The following MEI4 variants were observed in gnomAD, a reference collection of about 807,000 sequenced individuals.
MEI4 encodes meiotic double-stranded break formation protein 4, also known as meiosis-specific protein MEI4.
MEI4 carries 27 observed loss-of-function variants against 31.4 expected under a neutral mutation model. The ratio of observed to expected loss-of-function variants is 0.86; its 90% confidence interval spans 0.63 to 1.19. The LOEUF (loss-of-function observed/expected upper bound fraction) is 1.19, where lower values mean the gene tolerates loss of function less well. MEI4 is among the 50% of genes most tolerant of loss of function. The pLI is 0.00. For missense variants in MEI4, 329 were observed against 398.9 expected (o/e 0.82, Z 1.49); for synonymous variants, 122 against 145.4 (o/e 0.84, Z 1.16).
At chr6:77,905,076 T>C (rs1248912055) in intron 4 of MEI4, among the ~76,000 whole-genome samples, 1 of 152,142 alleles carries the variant, frequency 6.6e-6, no homozygotes, top group South Asian at 2.1e-4. Context: ...TTAAGACAGT[T>C]CTGGGGGTTG....
chr6:77,735,993 T>C (rs1767195286), intron 2 of MEI4, among the ~76,000 whole-genome samples: 1 of 152,048 alleles, frequency 6.6e-6, no homozygotes, highest in South Asian at 2.1e-4. Flanking sequence ...CTGCCCGTTC[T>C]CAGATCTCCA....
chr6:77,870,768 A>G (rs1771171373), intron 4 of MEI4, among the ~76,000 whole-genome samples: 1 of 152,188 alleles, frequency 6.6e-6, no homozygotes. Flanking sequence ...TTTTACAGCG[A>G]AGAAATGAAG....
chr6:77,877,494 A>AGAG (rs1771369724), intron 4 of MEI4, among the ~76,000 whole-genome samples: 4 of 44,310 alleles, frequency 9.0e-5, no homozygotes, highest in African/African-American at 2.1e-4. Flanking sequence ...GTTGCTGACA[A>AGAG]CAGATTTTCT....
At chr6:77,799,095 T>A (rs1353491391) in intron 3 of MEI4, among the ~76,000 whole-genome samples, 5 of 152,186 alleles carry the variant, frequency 3.3e-5, no homozygotes, top group Non-Finnish European at 2.9e-5. Context: ...TTGAACTAGT[T>A]TACAGTCCCA....
At chr6:77,854,856 G>A (rs979036834) in intron 4 of MEI4, among the ~76,000 whole-genome samples, 5 of 151,886 alleles carry the variant, frequency 3.3e-5, no homozygotes, top group African/African-American at 1.2e-4. Context: ...TTATAGATGA[G>A]GTGATAACTT....
intron 3 of MEI4, among the ~76,000 whole-genome samples, chr6:77,811,993 A>C (rs1287632084): frequency 6.6e-6 from 1 of 152,144 alleles, no homozygotes; most frequent in Non-Finnish European, 1.5e-5. Context: ...TAGTACATAA[A>C]GTGATGTATT....
At chr6:77,922,008 TAGACTAGTTTGATGC>T (rs1766714982) in intron 4 of MEI4, among the ~76,000 whole-genome samples, 1 of 151,756 alleles carries the variant, frequency 6.6e-6, no homozygotes, top group Non-Finnish European at 1.5e-5. Flanking sequence ...ATGACTCTGA[TAGACTAGTTTGATGC>T]AGGGTTGCCA....
intron 3 of MEI4, among the ~76,000 whole-genome samples, chr6:77,802,242 T>G (rs1292621310): frequency 6.6e-6 from 1 of 152,222 alleles, no homozygotes; most frequent in Non-Finnish European, 1.5e-5. Context: ...ATTTGTCTCT[T>G]TTGATCTTTG....
intron 2 of MEI4, among the ~76,000 whole-genome samples, chr6:77,758,009 A>G (rs1437709034): frequency 6.6e-6 from 1 of 152,080 alleles, no homozygotes; most frequent in Non-Finnish European, 1.5e-5. Flanking sequence ...TACAAAAATT[A>G]GCTGGGTGTG....
intron 4 of MEI4, among the ~76,000 whole-genome samples, chr6:77,915,203 T>C (rs1190631738): frequency 6.6e-6 from 1 of 152,098 alleles, no homozygotes; most frequent in Non-Finnish European, 1.5e-5. Flanking sequence ...AAGTCCTTTG[T>C]CTTCCTTATT....
chr6:77,788,348 A>C lies in MEI4; in HGVS notation c.768+26683A>C, dbSNP rs996990981. Among the ~76,000 whole-genome samples the C allele has an allele frequency of 3.3e-5, 5 of 152,216 alleles. 1 individual carries two copies. The highest frequency in any genetic ancestry group is 1.2e-4 in the African/African-American group (5 of 41,460). ...TTCCCTTTGAAAACTGGCACAAGAC[A>C]GGGATGCCCTCTCTCACCACTCCTA... is the stretch of plus-strand genomic sequence containing the variant. On this transcript the variant is annotated intron_variant, in intron 3 of 4. Transcript: ENST00000684080.
At chr6:77,732,049 A>G (rs1285955858) in intron 2 of MEI4, among the ~76,000 whole-genome samples, 1 of 148,796 alleles carries the variant, frequency 6.7e-6, no homozygotes, top group African/African-American at 2.5e-5. Context: ...TATAGTTTGA[A>G]GTCAGGTAGT....
At chr6:77,776,161 TTTTTTG>T (rs151011698) in intron 3 of MEI4, among the ~76,000 whole-genome samples, 3 of 119,958 alleles carry the variant, frequency 2.5e-5, no homozygotes, top group Non-Finnish European at 5.9e-5. Flanking sequence ...TAATTGTTTT[TTTTTTG>T]TTTTTGTTTT....
intron 4 of MEI4, among the ~76,000 whole-genome samples, chr6:77,841,333 A>ATATATATTT: frequency 1.8e-4 from 5 of 27,736 alleles, no homozygotes; most frequent in African/African-American, 1.3e-3. Context: ...ATATATATAT[A>ATATATATTT]TTTTTTTTTT....
At chr6:77,870,256 A>G (rs1444173038) in intron 4 of MEI4, among the ~76,000 whole-genome samples, 1 of 152,210 alleles carries the variant, frequency 6.6e-6, no homozygotes, top group East Asian at 1.9e-4. Context: ...AGTGAACCAC[A>G]GCTCCCAATC....
chr6:77,728,416 C>T (rs1766884051), intron 2 of MEI4, among the ~76,000 whole-genome samples: 2 of 152,146 alleles, frequency 1.3e-5, no homozygotes, highest in Non-Finnish European at 2.9e-5. Context: ...TATGCATGTT[C>T]ATTTGTTCAT....
At position 77,908,763 on chromosome 6, in the gene MEI4, A is replaced by G. The variant is rs555811228; in HGVS notation, c.901-14326A>G. Among the ~76,000 whole-genome samples the G allele has an allele frequency of 1.5e-4, 23 of 152,298 alleles. No individual in the cohort carries two copies. The East Asian group carries it at 3.3e-3, about 22-fold the overall frequency. On this transcript the variant is annotated intron_variant, in intron 4 of 4. Coordinates refer to ENST00000684080, the MANE Select transcript of MEI4 (RefSeq NM_001322247.2). The stretch of plus-strand genomic sequence containing the variant: ...CAAAAGAGACAAAGAAGGCCATTAC[A>G]TAATGGTAAAGGGATCAATTCAACA...
chr6:77,654,061 G>C (rs989876039), intron 1 of MEI4, among the ~76,000 whole-genome samples: 2 of 152,192 alleles, frequency 1.3e-5, no homozygotes, highest in Non-Finnish European at 2.9e-5. Context: ...AAACTGCAAA[G>C]CTGTAGTGCA....
intron 4 of MEI4, among the ~76,000 whole-genome samples, chr6:77,865,214 C>T (rs1419642318): frequency 1.3e-5 from 2 of 152,158 alleles, no homozygotes; most frequent in East Asian, 3.9e-4. Context: ...TAGCAGAAGG[C>T]AAGAAATAAC....
Sources: gnomAD v4.1 joint callset for allele counts (sites outside exome capture counted in the v4.1 genomes callset) on GRCh38, gnomAD v4.1.1 for gene constraint, MANE v1.5 for transcripts, NCBI Gene and HGNC (gene_info 2026-07-23, HGNC 2026-07-21) for gene names.